The following TSPAN5 variants were observed in gnomAD, a reference collection of about 807,000 sequenced individuals.
The protein encoded by TSPAN5 is tetraspanin 5.
TSPAN5 carries 10 observed loss-of-function variants against 37.1 expected under a neutral mutation model. That is an observed-to-expected ratio of 0.27 (90% CI 0.17 to 0.46). The LOEUF (loss-of-function observed/expected upper bound fraction) is 0.46, where lower values mean the gene tolerates loss of function less well. Ranked by LOEUF, TSPAN5 falls within the 20% of genes least tolerant of loss-of-function variation. The pLI is 1.00. For missense variants in TSPAN5, 195 were observed against 326.6 expected (o/e 0.60, Z 3.11); for synonymous variants, 110 against 118.9 (o/e 0.93, Z 0.48).
chr4:98,514,106 T>C (rs199769407), intron 1 of TSPAN5, among the ~76,000 whole-genome samples: 1 of 152,100 alleles, frequency 6.6e-6, no homozygotes, highest in African/African-American at 2.4e-5. Flanking sequence ...AAAAATATCA[T>C]CCTAAATAAC....
At chr4:98,491,945 A>G (rs1404320744) in intron 2 of TSPAN5, among the ~76,000 whole-genome samples, 1 of 151,924 alleles carries the variant, frequency 6.6e-6, no homozygotes, top group Non-Finnish European at 1.5e-5. Flanking sequence ...TAAGTCTGCC[A>G]AGCAATTTAA....
At chr4:98,557,921 A>G (rs1056809301) in intron 1 of TSPAN5, among the ~76,000 whole-genome samples, 1 of 152,196 alleles carries the variant, frequency 6.6e-6, no homozygotes, top group East Asian at 1.9e-4. Flanking sequence ...ATCATCAAAA[A>G]CAAAAAGGTC....
At chr4:98,473,330 C>T (rs1351787081) in intron 7 of TSPAN5, among the ~76,000 whole-genome samples, 1 of 152,164 alleles carries the variant, frequency 6.6e-6, no homozygotes, top group African/African-American at 2.4e-5. Flanking sequence ...ACATCCTTGC[C>T]GATACTTGTT....
At chr4:98,489,289 C>CT (rs1753036367) in intron 2 of TSPAN5, among the ~76,000 whole-genome samples, 1 of 152,184 alleles carries the variant, frequency 6.6e-6, no homozygotes, top group Non-Finnish European at 1.5e-5. Flanking sequence ...AAACATGGGG[C>CT]TTGTAACTAC....
At chr4:98,491,026 C>T (rs1753074138) in intron 2 of TSPAN5, among the ~76,000 whole-genome samples, 1 of 151,854 alleles carries the variant, frequency 6.6e-6, no homozygotes, top group African/African-American at 2.4e-5. Flanking sequence ...CGCACCACTG[C>T]ACTCCAGCCT....
intron 1 of TSPAN5, among the ~76,000 whole-genome samples, chr4:98,581,264 T>C (rs1010272283): frequency 1.3e-5 from 2 of 152,112 alleles, no homozygotes; most frequent in Admixed American, 6.5e-5. Flanking sequence ...CACAGCAAAA[T>C]ACCAATTGAG....
At chr4:98,506,753 CT>C (rs1244232427) in intron 2 of TSPAN5, among the ~76,000 whole-genome samples, 11 of 152,182 alleles carry the variant, frequency 7.2e-5, no homozygotes, top group Admixed American at 2.6e-4. Context: ...TTTATGGCAG[CT>C]TTTAACCATT....
chr4:98,633,027 T>C (rs1301809937), intron 1 of TSPAN5, among the ~76,000 whole-genome samples: 1 of 151,854 alleles, frequency 6.6e-6, no homozygotes, highest in Non-Finnish European at 1.5e-5. Flanking sequence ...GCCAGGGCAG[T>C]TGGGAGGATG....
chr4:98,555,327 G>C (rs4699348), intron 1 of TSPAN5, among the ~76,000 whole-genome samples: 117,905 of 152,120 alleles, frequency 0.78, 46,236 homozygotes, highest in African/African-American at 0.89. Context: ...AGCAATTTTT[G>C]ACGTCAATCA....
chr4:98,552,226 G>A lies in TSPAN5; in HGVS notation c.82-44498C>T, dbSNP rs146695084. 2.1e-3 allele frequency among the ~76,000 whole-genome samples: 317 copies of A among 151,952 alleles called. 3 individuals carry two copies. The highest frequency in any genetic ancestry group is 7.4e-3 in the African/African-American group (305 of 41,438). On this transcript the variant is annotated intron_variant, in intron 1 of 7. Transcript: ENST00000305798. The stretch of plus-strand genomic sequence containing the variant: ...ATGTAGTTTTGCTCTGATCTTTGTC[G>A]CTTATTTTCTTGTAACTTTGAGTTT...
chr4:98,530,702 A>G (rs1754061485), intron 1 of TSPAN5, among the ~76,000 whole-genome samples: 1 of 150,664 alleles, frequency 6.6e-6, no homozygotes, highest in African/African-American at 2.5e-5. Context: ...GATTCACTTA[A>G]GATTACACAA....
chr4:98,601,075 A>G (rs1041476313), intron 1 of TSPAN5, among the ~76,000 whole-genome samples: 2 of 152,226 alleles, frequency 1.3e-5, no homozygotes, highest in Admixed American at 6.5e-5. Context: ...TTTATAAGCA[A>G]TAAGTCTCAA....
intron 1 of TSPAN5, among the ~76,000 whole-genome samples, chr4:98,626,287 C>G (rs1485226731): frequency 6.6e-6 from 1 of 152,168 alleles, no homozygotes; most frequent in Non-Finnish European, 1.5e-5. Flanking sequence ...GCTAATAGGA[C>G]AAACAGATAC....
chr4:98,491,379 T>C (rs1753082469), intron 2 of TSPAN5, among the ~76,000 whole-genome samples: 1 of 152,186 alleles, frequency 6.6e-6, no homozygotes, highest in South Asian at 2.1e-4. Context: ...TATTCTTTCA[T>C]CTGTGCACAA....
chr4:98,528,346 T>G (rs1754008159), intron 1 of TSPAN5, among the ~76,000 whole-genome samples: 1 of 151,196 alleles, frequency 6.6e-6, no homozygotes, highest in Non-Finnish European at 1.5e-5. Context: ...AATTTATATA[T>G]CAACTAAAAA....
intron 1 of TSPAN5, among the ~76,000 whole-genome samples, chr4:98,541,124 T>C (rs1754347098): frequency 6.6e-6 from 1 of 152,164 alleles, no homozygotes. Flanking sequence ...TCTACCTTGT[T>C]GGTGCTCAGC....
chr4:98,634,999 C>T (rs1360664708), intron 1 of TSPAN5, among the ~76,000 whole-genome samples: 1 of 152,132 alleles, frequency 6.6e-6, no homozygotes, highest in Non-Finnish European at 1.5e-5. Flanking sequence ...GGGTGAGAGG[C>T]AAGAGAGCTG....
chr4:98,506,712 G>A (rs1165017053), intron 2 of TSPAN5, among the ~76,000 whole-genome samples: 3 of 152,192 alleles, frequency 2.0e-5, no homozygotes, highest in Non-Finnish European at 4.4e-5. Context: ...TCAAAGAATG[G>A]TCTTCTGGGA....
chr4:98,510,971 C>G (rs1351259978), intron 1 of TSPAN5, among the ~76,000 whole-genome samples: 3 of 152,196 alleles, frequency 2.0e-5, no homozygotes, highest in African/African-American at 7.2e-5. Flanking sequence ...ATACTTGAGG[C>G]ACATTCAGTT....
Sources: gnomAD v4.1 joint callset for allele counts (sites outside exome capture counted in the v4.1 genomes callset) on GRCh38, gnomAD v4.1.1 for gene constraint, MANE v1.5 for transcripts, NCBI Gene and HGNC (gene_info 2026-07-23, HGNC 2026-07-21) for gene names.